ZC3H12B: variants seen among roughly 807,000 people sequenced by gnomAD.
ZC3H12B encodes probable ribonuclease ZC3H12B.
Under a neutral mutation model 43.9 loss-of-function variants are expected in ZC3H12B, and 7 were observed. The ratio of observed to expected loss-of-function variants is 0.16; its 90% CI spans 0.09 to 0.30. ZC3H12B has a LOEUF of 0.30. ZC3H12B is among the 10% of genes least tolerant of loss of function. ZC3H12B has a pLI of 1.00. For missense variants in ZC3H12B, 475 were observed against 670.2 expected (o/e 0.71, Z 3.22); for synonymous variants, 222 against 241.7 (o/e 0.92, Z 0.76).
the ZC3H12B span, among the ~76,000 whole-genome samples, chrX:65,172,784 A>G: frequency 5.4e-5 from 6 of 111,676 alleles, no homozygotes; most frequent in Non-Finnish European, 1.1e-4. Context: ...ATTGTTCTAT[A>G]TAATTGTTTT....
the ZC3H12B span, among the ~76,000 whole-genome samples, chrX:65,170,836 A>G: frequency 8.9e-6 from 1 of 112,024 alleles, no homozygotes; most frequent in African/African-American, 3.2e-5. Context: ...CAGCTACTGA[A>G]GCTTGTGCAT....
chrX:65,424,779 T>A (rs771525982), intron 3 of ZC3H12B, among the ~76,000 whole-genome samples: 77 of 111,703 alleles, frequency 6.9e-4, no homozygotes, highest in African/African-American at 1.9e-3. Flanking sequence ...TGGTTGTACG[T>A]GTGTGGTCTT....
At chrX:65,061,853 G>A in the ZC3H12B span, among the ~76,000 whole-genome samples, 3 of 112,062 alleles carry the variant, frequency 2.7e-5, no homozygotes, top group African/African-American at 6.5e-5. Flanking sequence ...TTTAATGATC[G>A]CCATTCTAAC....
chrX:65,422,504 T>C (rs2067029619), intron 3 of ZC3H12B, among the ~76,000 whole-genome samples: 1 of 110,245 alleles, frequency 9.1e-6, no homozygotes, highest in Non-Finnish European at 1.9e-5. Context: ...TCACAGGATG[T>C]TGAGATATTT....
chrX:65,374,333 C>T (rs1260766158), intron 2 of ZC3H12B, among the ~76,000 whole-genome samples: 3 of 96,169 alleles, frequency 3.1e-5, no homozygotes, highest in Non-Finnish European at 6.1e-5. Context: ...ATGCTCACTA[C>T]CTGGGTGACA....
chrX:65,412,035 T>G (rs188210081), intron 3 of ZC3H12B, among the ~76,000 whole-genome samples: 15 of 111,414 alleles, frequency 1.3e-4, no homozygotes, highest in Non-Finnish European at 2.8e-4. Flanking sequence ...AGCAAAAAAT[T>G]CAGTGGCATT....
chrX:65,372,983 C>T (rs2066268601), intron 2 of ZC3H12B, among the ~76,000 whole-genome samples: 1 of 112,049 alleles, frequency 8.9e-6, no homozygotes, highest in South Asian at 3.7e-4. Flanking sequence ...GGACATTAAT[C>T]AGTCCATGAT....
chrX:65,089,036 T>A, the ZC3H12B span, among the ~76,000 whole-genome samples: 1 of 112,177 alleles, frequency 8.9e-6, no homozygotes, highest in Non-Finnish European at 1.9e-5. Flanking sequence ...ATATTAGTTA[T>A]TTTTTATGGA....
chrX:65,395,904 G>A (rs1043162076), intron 2 of ZC3H12B, among the ~76,000 whole-genome samples: 1 of 111,349 alleles, frequency 9.0e-6, no homozygotes, highest in African/African-American at 3.3e-5. Context: ...CTTCTCTCAC[G>A]TTTAGTATTG....
At chrX:65,267,042 A>C in the ZC3H12B span, among the ~76,000 whole-genome samples, 1 of 110,553 alleles carries the variant, frequency 9.0e-6, no homozygotes, top group Non-Finnish European at 1.9e-5. Flanking sequence ...AAAAGGCCTG[A>C]GAAGACACTA....
chrX:65,374,089 A>G (rs1258814182), intron 2 of ZC3H12B, among the ~76,000 whole-genome samples: 5 of 55,567 alleles, frequency 9.0e-5, no homozygotes, highest in Non-Finnish European at 1.2e-4. Context: ...TATATATAGT[A>G]TATATATAAC....
the ZC3H12B span, among the ~76,000 whole-genome samples, chrX:65,249,527 C>T: frequency 4.5e-5 from 5 of 111,582 alleles, no homozygotes; most frequent in Non-Finnish European, 9.4e-5. Context: ...CTTAGTCTTG[C>T]TTTGGCTATG....
the ZC3H12B span, among the ~76,000 whole-genome samples, chrX:65,288,503 G>A: frequency 8.9e-6 from 1 of 112,434 alleles, no homozygotes; most frequent in Non-Finnish European, 1.9e-5. Context: ...GGTTTAACGT[G>A]TATAAAAGAA....
chrX:65,074,681 C>G, the ZC3H12B span, among the ~76,000 whole-genome samples: 1 of 111,659 alleles, frequency 9.0e-6, no homozygotes. Flanking sequence ...GTTTCTCTGA[C>G]TAATAATTTC....
the ZC3H12B span, among the ~76,000 whole-genome samples, chrX:65,270,156 A>C: frequency 1.8e-5 from 2 of 111,818 alleles, no homozygotes; most frequent in Non-Finnish European, 3.8e-5. Flanking sequence ...AGTAACTAAA[A>C]TAGTATGGTA....
At chrX:65,114,340 C>G in the ZC3H12B span, among the ~76,000 whole-genome samples, 2 of 109,338 alleles carry the variant, frequency 1.8e-5, no homozygotes, top group East Asian at 2.9e-4. Flanking sequence ...TCTTTTAATA[C>G]TTGGTAGACT....
rs749398648 is a variant in ZC3H12B, at chrX:65,422,752, T to C, written n.407+24048T>C. ...CCCTGTGTCCATGTGTTCTAATTGA[T>C]CAACTGCCATTTATGAATGAGAACA... On this transcript the variant is annotated intron_variant and non_coding_transcript_variant, in intron 3 of 5. Coordinates refer to the ZC3H12B transcript ENST00000617377. Among the ~76,000 whole-genome samples the C allele has an allele frequency of 9.1e-4, 100 of 109,574 alleles. 1 individual carries two copies. Among genetic ancestry groups the C allele is most frequent in the Non-Finnish European group, 1.4e-3 (76 of 52,653 alleles).
the ZC3H12B span, among the ~76,000 whole-genome samples, chrX:65,270,249 T>C: frequency 9.0e-6 from 1 of 111,721 alleles, no homozygotes; most frequent in African/African-American, 3.3e-5. Flanking sequence ...ATCAACTAAT[T>C]TTTGATAAGA....
At chrX:65,382,649 G>T (rs1195500454) in intron 2 of ZC3H12B, among the ~76,000 whole-genome samples, 1 of 111,691 alleles carries the variant, frequency 9.0e-6, no homozygotes, top group South Asian at 3.7e-4. Context: ...ATTAGGAAAA[G>T]AGGAAGTCAA....
Sources: allele counts gnomAD v4.1 joint callset (sites outside exome capture counted in the v4.1 genomes callset), GRCh38; gene constraint gnomAD v4.1.1; transcripts MANE v1.5; gene names NCBI Gene and HGNC (gene_info 2026-07-23, HGNC 2026-07-21).